The following DCT variants were observed in gnomAD, a reference collection of about 807,000 sequenced individuals.
The protein encoded by DCT is L-dopachrome tautomerase.
In DCT, 47 loss-of-function variants were observed where a neutral mutation model predicts 53.0. The observed-to-expected ratio is 0.89, with a 90% CI of 0.70 to 1.13. The LOEUF (loss-of-function observed/expected upper bound fraction) is 1.13. Ranked by LOEUF, DCT falls within the 50% of genes most tolerant of loss-of-function variation. The pLI, the probability that DCT is intolerant of heterozygous loss-of-function variation, is 0.00. For missense variants in DCT, 669 were observed against 637.4 expected, an observed-to-expected ratio of 1.05 and a Z score of -0.53; for synonymous variants, 244 against 237.0, an observed-to-expected ratio of 1.03 and a Z score of -0.27.
At chr13:94,494,217 A>T in the DCT span, among the ~76,000 whole-genome samples, 2 of 152,072 alleles carry the variant, frequency 1.3e-5, no homozygotes, top group Admixed American at 1.3e-4. Flanking sequence ...CACAGCTTTT[A>T]ACATCTGCCT....
At chr13:94,507,748 C>T in the DCT span, among the ~76,000 whole-genome samples, 2 of 152,182 alleles carry the variant, frequency 1.3e-5, no homozygotes, top group Admixed American at 6.5e-5. Context: ...GATCCACCTG[C>T]CTCGGCCTCC....
At chr13:94,489,332 T>A in the DCT span, among the ~76,000 whole-genome samples, 1 of 152,194 alleles carries the variant, frequency 6.6e-6, no homozygotes, top group Non-Finnish European at 1.5e-5. Flanking sequence ...ACTTTGTGAA[T>A]AAGGACAAAC....
At chr13:94,524,959 A>C in the DCT span, among the ~76,000 whole-genome samples, 2 of 152,160 alleles carry the variant, frequency 1.3e-5, no homozygotes, top group African/African-American at 4.8e-5. Context: ...GACAGATCAG[A>C]TAATGCCTCT....
chr13:94,470,453 A>ATC (rs1884569257), intron 1 of DCT, among the ~76,000 whole-genome samples: 2 of 152,238 alleles, frequency 1.3e-5, no homozygotes, highest in East Asian at 3.8e-4. Context: ...TAGCCTTCCA[A>ATC]CTTATTGCCT....
the DCT span, among the ~76,000 whole-genome samples, chr13:94,536,681 G>A: frequency 5.3e-5 from 8 of 152,114 alleles, no homozygotes; most frequent in Non-Finnish European, 8.8e-5. Flanking sequence ...GGTGGCTCAC[G>A]CTTGTAATCC....
At position 94,479,007 on chromosome 13, in the gene DCT, A is replaced by G; in HGVS notation, c.249T>C (p.Arg83=). 1.9e-6 allele frequency: 3 copies of G among 1,613,730 alleles called. No homozygotes were observed. Among genetic ancestry groups the G allele is most frequent in the Non-Finnish European group, 2.5e-6 (3 of 1,179,670 alleles). The change falls in exon 1 of 8, where the codon CGT becomes CGC. Residue 83 remains arginine, a synonymous_variant. Transcript: ENST00000377028. ...GGAAGAATTTTCTTGGCCACAGCTC[A>G]CGGTCATCCTGGTTTCGTAGGATGT... The part of the protein sequence containing the change: ...GPYILRNQDD[R]ELWPRKFFHR...
intron 1 of DCT, 24 bp downstream of exon 1, chr13:94,478,937 C>A (rs529034525): frequency 6.3e-7 from 1 of 1,575,366 alleles, no homozygotes; most frequent in Non-Finnish European, 8.7e-7. Context: ...GCCCTCCCCA[C>A]CAAGCTTGGA....
the DCT span, among the ~76,000 whole-genome samples, chr13:94,548,045 T>C: frequency 1.3e-5 from 2 of 148,696 alleles, no homozygotes. Context: ...GAGCCTTTTC[T>C]GGTGAGCCAG....
intron 4 of DCT, among the ~76,000 whole-genome samples, chr13:94,463,269 T>C (rs1883936349): frequency 6.6e-6 from 1 of 150,606 alleles, no homozygotes; most frequent in African/African-American, 2.4e-5. Context: ...CCCCAGTAGC[T>C]GGGACTACTG....
At chr13:94,515,806 A>G in the DCT span, among the ~76,000 whole-genome samples, 2 of 152,190 alleles carry the variant, frequency 1.3e-5, no homozygotes, top group African/African-American at 4.8e-5. Flanking sequence ...CTGGGAGTTC[A>G]GCTAGAGAAT....
At chr13:94,440,204 C>CT in intron 7 of DCT, 128 bp from the exon 8 acceptor site, 1 of 656,832 alleles carries the variant, frequency 1.5e-6, no homozygotes, top group Admixed American at 3.0e-5. Flanking sequence ...TCATGCTAGA[C>CT]TAAAATTTAT....
chr13:94,483,055 C>T (rs1262980755), upstream of DCT, among the ~76,000 whole-genome samples: 1 of 152,044 alleles, frequency 6.6e-6, no homozygotes, highest in African/African-American at 2.4e-5. Flanking sequence ...AGGCAGATCA[C>T]GTGAGCCCAG....
At chr13:94,542,195 A>C in the DCT span, among the ~76,000 whole-genome samples, 1,470 of 152,020 alleles carry the variant, frequency 9.7e-3, 25 homozygotes, top group African/African-American at 0.033. Context: ...CAGGCATTGC[A>C]TCTCTTTTTT....
chr13:94,450,863 C>T lies in DCT; in HGVS notation c.1180-7226G>A, dbSNP rs566393306. The stretch of plus-strand genomic sequence containing the variant: ...AAAACTCTAGGAGAGAGTTGCTCAA[C>T]TCAATGCTAGAACCATCTTAGATTT... On this transcript the variant is annotated intron_variant, in intron 6 of 7. Transcript: ENST00000377028. Among the ~76,000 whole-genome samples the T allele has an allele frequency of 4.6e-5, 7 of 152,294 alleles. No homozygotes were observed. In the East Asian group the frequency reaches 1.3e-3, roughly 29 times the overall value.
chr13:94,507,917 T>A, the DCT span, among the ~76,000 whole-genome samples: 1 of 152,224 alleles, frequency 6.6e-6, no homozygotes, highest in Non-Finnish European at 1.5e-5. Context: ...TTCACTTCAT[T>A]CATGATAGAA....
At chr13:94,453,738 G>C (rs1048085096) in intron 6 of DCT, among the ~76,000 whole-genome samples, 13 of 152,118 alleles carry the variant, frequency 8.5e-5, no homozygotes, top group African/African-American at 2.7e-4. Flanking sequence ...TTATAAATGA[G>C]AGTTTTCCTG....
chr13:94,547,469 C>T, the DCT span, among the ~76,000 whole-genome samples: 1 of 152,086 alleles, frequency 6.6e-6, no homozygotes, highest in Non-Finnish European at 1.5e-5. Context: ...TTGTGTTCAT[C>T]TCTCACTCTG....
At chr13:94,546,259 A>G in the DCT span, among the ~76,000 whole-genome samples, 1 of 152,102 alleles carries the variant, frequency 6.6e-6, no homozygotes, top group Non-Finnish European at 1.5e-5. The surrounding 1 kb of genome is among the most constrained non-coding windows in gnomAD (Gnocchi z 4.2). Context: ...ATTGCCAGCT[A>G]GCAGACACAG....
intron 6 of DCT, 120 bp from the exon 7 acceptor site, chr13:94,443,757 C>A: frequency 1.3e-6 from 1 of 761,322 alleles, no homozygotes; most frequent in Non-Finnish European, 2.2e-6. Context: ...TCTGTATACC[C>A]ATGTGTGGAA....
Sources: allele counts gnomAD v4.1 joint callset (sites outside exome capture counted in the v4.1 genomes callset), GRCh38; gene constraint gnomAD v4.1.1; non-coding constraint Gnocchi (gnomAD v3.1); transcripts MANE v1.5; gene names NCBI Gene and HGNC (gene_info 2026-07-23, HGNC 2026-07-21).